BAIAP2L1: variants seen among roughly 807,000 people sequenced by gnomAD.
BAIAP2L1 encodes BAR/IMD domain-containing adapter protein 2-like 1.
Under a neutral mutation model 66.3 loss-of-function variants are expected in BAIAP2L1, and 35 were observed. The observed-to-expected ratio is 0.53, with a 90% CI of 0.40 to 0.70. The LOEUF is 0.70. BAIAP2L1 is among the 30% of genes least tolerant of loss of function. The pLI is 0.00. For synonymous variants in BAIAP2L1, 269 were observed against 248.7 expected (o/e 1.08, Z -0.77); for missense variants, 622 against 656.9 (o/e 0.95, Z 0.58).
Position 98,362,411 on chromosome 7 carries a change from G to T in BAIAP2L1, c.73C>A (p.Pro25Thr), listed in dbSNP as rs1319803255. The change falls in exon 2 of 14, where the codon CCT becomes ACT. Residue 25 changes from proline (P) to threonine (T), a missense_variant. Transcript: ENST00000005260. The stretch of plus-strand genomic sequence containing the variant: ...AGGTTTATTAAATTTCGCAGCCCAG[G>T]ATTGAACTGTTCCATAACATTCTGC... Reference protein sequence around the residue: ...TYRNVMEQFNPGLRNLINLGK... With the variant: ...TYRNVMEQFNTGLRNLINLGK... 6.2e-7 allele frequency: 1 copy of T among 1,612,016 alleles called. No homozygotes were observed. The highest frequency in any genetic ancestry group is 8.5e-7 in the Non-Finnish European group (1 of 1,179,274).
chr7:98,362,595 AC>A (rs1470594167), intron 1 of BAIAP2L1, among the ~76,000 whole-genome samples, 163 bp from the exon 2 acceptor site: 1 of 152,172 alleles, frequency 6.6e-6, no homozygotes, highest in African/African-American at 2.4e-5. Flanking sequence ...CTATTCCCTT[AC>A]CTGATGGAAC....
chr7:98,352,005 A>T (rs983975702), intron 3 of BAIAP2L1, among the ~76,000 whole-genome samples: 1 of 152,202 alleles, frequency 6.6e-6, no homozygotes, highest in Non-Finnish European at 1.5e-5. Flanking sequence ...GAAGTTGTGA[A>T]TACCAAATAC....
At chr7:98,374,761 TAAAAAAAATA>T (rs1802581683) in intron 1 of BAIAP2L1, among the ~76,000 whole-genome samples, 1 of 151,498 alleles carries the variant, frequency 6.6e-6, no homozygotes, top group Admixed American at 6.6e-5. Flanking sequence ...TTCTTTCCCA[TAAAAAAAATA>T]AAATAAAATG....
intron 1 of BAIAP2L1, chr7:98,386,174 A>G: frequency 4.4e-6 from 7 of 1,575,070 alleles, no homozygotes; most frequent in Non-Finnish European, 6.0e-6. Context: ...AAACCAACAC[A>G]GAACAGACGA....
chr7:98,301,822 G>A (rs1371868506), intron 12 of BAIAP2L1, among the ~76,000 whole-genome samples: 1 of 152,214 alleles, frequency 6.6e-6, no homozygotes, highest in Non-Finnish European at 1.5e-5. Context: ...AAGCTCGCGG[G>A]TGTGAGCTGA....
chr7:98,368,964 C>T (rs1269570563), intron 1 of BAIAP2L1, among the ~76,000 whole-genome samples: 3 of 151,586 alleles, frequency 2.0e-5, no homozygotes, highest in Admixed American at 6.6e-5. Context: ...CTTACGTTTT[C>T]GTATCTCTAG....
intron 1 of BAIAP2L1, among the ~76,000 whole-genome samples, chr7:98,384,473 A>G (rs981754918): frequency 2.0e-5 from 3 of 152,174 alleles, no homozygotes; most frequent in African/African-American, 7.2e-5. Context: ...GTGTCCTGGA[A>G]TAAAAAAGCA....
chr7:98,349,371 A>G (rs1183725341), intron 3 of BAIAP2L1, among the ~76,000 whole-genome samples: 1 of 152,214 alleles, frequency 6.6e-6, no homozygotes, highest in African/African-American at 2.4e-5. Flanking sequence ...AAATACTTCT[A>G]AGACGGCACA....
chr7:98,357,033 ATATATATATATATATATTT>A (rs1243338787), intron 2 of BAIAP2L1, among the ~76,000 whole-genome samples: 1 of 16,096 alleles, frequency 6.2e-5, no homozygotes, highest in East Asian at 2.7e-3. Flanking sequence ...ATATATATAT[ATATATATATATATATATTT>A]TTTTTTTTTT....
At chr7:98,380,737 T>A (rs1352829912) in intron 1 of BAIAP2L1, among the ~76,000 whole-genome samples, 3 of 28,792 alleles carry the variant, frequency 1.0e-4, no homozygotes, top group Admixed American at 2.9e-4. Flanking sequence ...ATCCGGTCCG[T>A]TTTTTTTTTT....
In BAIAP2L1 at chr7:98,292,619, A is replaced by G; in HGVS notation, c.*902T>C. The G allele has an allele frequency of 6.4e-7, 1 of 1,551,426 alleles. No homozygotes were observed. Among genetic ancestry groups the G allele is most frequent in the African/African-American group, 1.4e-5 (1 of 73,158 alleles). On this transcript the variant is annotated 3_prime_UTR_variant, in exon 14 of 14. Coordinates refer to ENST00000005260, the MANE Select transcript of BAIAP2L1 (RefSeq NM_018842.5). The stretch of plus-strand genomic sequence containing the variant: ...CGAGGGCATCATGGCTGCTAGGCTG[A>G]AAAACCCGCCCTTCTCCAGGCACCA...
At chr7:98,330,009 A>G (rs1304638199) in intron 3 of BAIAP2L1, among the ~76,000 whole-genome samples, 1 of 152,214 alleles carries the variant, frequency 6.6e-6, no homozygotes, top group Admixed American at 6.5e-5. Flanking sequence ...TGACTCCGTT[A>G]CAAATACAGC....
chr7:98,317,484 C>T, intron 5 of BAIAP2L1, 128 bp from the exon 6 acceptor site: 4 of 1,272,392 alleles, frequency 3.1e-6, no homozygotes, highest in Non-Finnish European at 4.4e-6. Flanking sequence ...ACACCATCCT[C>T]ACACTGGCTG....
At chr7:98,305,469 C>A (rs1800619231) in intron 11 of BAIAP2L1, among the ~76,000 whole-genome samples, 1 of 152,158 alleles carries the variant, frequency 6.6e-6, no homozygotes, top group African/African-American at 2.4e-5. Flanking sequence ...AACGTCGGAC[C>A]TGGAGGCCTT....
At chr7:98,327,356 G>GTAAATAAATAAATAAA (rs57971788) in intron 3 of BAIAP2L1, among the ~76,000 whole-genome samples, 1 of 142,302 alleles carries the variant, frequency 7.0e-6, no homozygotes, top group East Asian at 2.1e-4. Context: ...GCAAGACCTT[G>GTAAATAAATAAATAAA]TAAATAAATA....
At chr7:98,347,752 C>T (rs1162261223) in intron 3 of BAIAP2L1, among the ~76,000 whole-genome samples, 5 of 151,276 alleles carry the variant, frequency 3.3e-5, no homozygotes, top group Non-Finnish European at 5.9e-5. Context: ...TCTGTCTGCC[C>T]GGGCGACAGA....
chr7:98,316,669 C>A (rs1028439401), intron 6 of BAIAP2L1, among the ~76,000 whole-genome samples: 2 of 152,124 alleles, frequency 1.3e-5, no homozygotes, highest in East Asian at 3.9e-4. Context: ...TGAAATAATG[C>A]ATCGCTGTTA....
In BAIAP2L1 at chr7:98,292,389, A is replaced by G; in HGVS notation, c.*1132T>C. ...ACACCTGTCTAATTTTTGTATTTTT[A>G]GTAGAGACTCCTGACCTCAGGTGAT... On this transcript the variant is annotated 3_prime_UTR_variant, in exon 14 of 14. Coordinates refer to ENST00000005260, the MANE Select transcript of BAIAP2L1 (RefSeq NM_018842.5). 2.1e-6 allele frequency: 1 copy of G among 479,102 alleles called. No homozygotes were observed. 29.7% of individuals were successfully genotyped at this position (479,102 alleles called of 1,614,324 possible).
chr7:98,300,629 G>A (rs1367728738), intron 12 of BAIAP2L1, among the ~76,000 whole-genome samples: 1 of 152,054 alleles, frequency 6.6e-6, no homozygotes, highest in Non-Finnish European at 1.5e-5. Context: ...TCCATTTCAC[G>A]AGGCCCCGCT....
Sources: allele counts gnomAD v4.1 joint callset (sites outside exome capture counted in the v4.1 genomes callset), GRCh38; gene constraint gnomAD v4.1.1; transcripts MANE v1.5; gene names NCBI Gene and HGNC (gene_info 2026-07-23, HGNC 2026-07-21).